NCOA2: variants seen among roughly 807,000 people sequenced by gnomAD.
NCOA2 encodes class E basic helix-loop-helix protein 75.
A neutral mutation model predicts 145.1 loss-of-function variants in NCOA2; 21 were observed. The observed-to-expected ratio is 0.14, with a 90% confidence interval of 0.10 to 0.21. The LOEUF is 0.21. Among genes scored for constraint, NCOA2 ranks in the 10% least tolerant of loss-of-function variants. The probability of loss-of-function intolerance (pLI) is 1.00; values close to 1 mark genes in which losing one functional copy is unlikely to be tolerated. For missense variants in NCOA2, 1,472 were observed against 1,837.6 expected (o/e 0.80, Z 3.64); for synonymous variants, 619 against 637.5 (o/e 0.97, Z 0.44).
At position 70,334,236 on chromosome 8, in the gene NCOA2, G is replaced by A. The variant is rs564783883; in HGVS notation, c.-76-37436C>T. 5.3e-5 allele frequency among the ~76,000 whole-genome samples: 8 copies of A among 152,222 alleles called. No individual in the cohort carries two copies. In the South Asian group the frequency reaches 1.2e-3, roughly 24 times the overall value. ...TGGACACCAAAGAATCAAATCAGCC[G>A]TATCACTGAACAATCACAAAATGGC... On this transcript the variant is annotated intron_variant, in intron 1 of 22. Transcript: ENST00000452400.
intron 14 of NCOA2, 84 bp downstream of exon 14, chr8:70,141,100 A>G: frequency 6.8e-6 from 9 of 1,329,756 alleles, no homozygotes; most frequent in Non-Finnish European, 9.5e-6. Flanking sequence ...TGCCCATAAG[A>G]AGCATGTCTT....
intron 1 of NCOA2, among the ~76,000 whole-genome samples, chr8:70,312,452 T>C (rs769323812): frequency 1.3e-5 from 2 of 152,226 alleles, no homozygotes; most frequent in Non-Finnish European, 2.9e-5. Context: ...TGTAGATTAA[T>C]AATGCACATA....
At chr8:70,394,061 A>G (rs933564483) in intron 1 of NCOA2, among the ~76,000 whole-genome samples, 1 of 152,246 alleles carries the variant, frequency 6.6e-6, no homozygotes, top group Non-Finnish European at 1.5e-5. Flanking sequence ...AGTATAAGGA[A>G]AAGATAGTCA....
intron 2 of NCOA2, among the ~76,000 whole-genome samples, chr8:70,235,453 T>C (rs1821509164): frequency 6.6e-6 from 1 of 152,120 alleles, no homozygotes; most frequent in Non-Finnish European, 1.5e-5. Context: ...TTTACCATAA[T>C]AAAAAATTTA....
chr8:70,299,853 T>C (rs1308843471), intron 1 of NCOA2, among the ~76,000 whole-genome samples: 1 of 152,216 alleles, frequency 6.6e-6, no homozygotes. Flanking sequence ...CAGCAGTTAT[T>C]GTCCACAATA....
At position 70,397,193 on chromosome 8, in the gene NCOA2, T is replaced by C. The variant is rs542071598; in HGVS notation, c.-77+6507A>G. On this transcript the variant is annotated intron_variant, in intron 1 of 22. Coordinates refer to ENST00000452400, the MANE Select transcript of NCOA2 (RefSeq NM_006540.4). ...GCAAGAATGGGCCAGGTGCAATAGC[T>C]CATGCCTGTAATCTTAGCACTCTGT... 2.6e-5 allele frequency among the ~76,000 whole-genome samples: 4 copies of C among 152,152 alleles called. No homozygotes were observed. The South Asian group carries it at 8.3e-4, about 31-fold the overall frequency.
intron 1 of NCOA2, among the ~76,000 whole-genome samples, chr8:70,322,191 T>C (rs1806139259): frequency 6.6e-6 from 1 of 152,114 alleles, no homozygotes; most frequent in South Asian, 2.1e-4. Context: ...AAGAAAATCA[T>C]CATGTTTGCC....
At chr8:70,389,167 CTATT>C (rs771343516) in intron 1 of NCOA2, among the ~76,000 whole-genome samples, 2 of 152,132 alleles carry the variant, frequency 1.3e-5, no homozygotes, top group Non-Finnish European at 2.9e-5. Flanking sequence ...ACACTTCAGA[CTATT>C]TAAGTATTTT....
chr8:70,372,600 C>T (rs960438697), intron 1 of NCOA2, among the ~76,000 whole-genome samples: 3 of 152,178 alleles, frequency 2.0e-5, no homozygotes, highest in African/African-American at 7.2e-5. Flanking sequence ...AGGCACCCTT[C>T]CATCATTTAA....
At chr8:70,141,136 C>G (rs367975955) in intron 14 of NCOA2, 48 bp downstream of exon 14, 1 of 1,530,960 alleles carries the variant, frequency 6.5e-7, no homozygotes, top group African/African-American at 1.4e-5. Flanking sequence ...GCTCTCTTTT[C>G]TAAGAGAGCA....
intron 15 of NCOA2, among the ~76,000 whole-genome samples, chr8:70,133,915 G>C (rs903186993): frequency 1.3e-5 from 2 of 152,144 alleles, no homozygotes; most frequent in Non-Finnish European, 2.9e-5. Context: ...TAGTAACTTG[G>C]AAATTGTCCA....
chr8:70,403,514 G>A (rs1336554898), intron 1 of NCOA2, among the ~76,000 whole-genome samples, 186 bp downstream of exon 1: 3 of 150,516 alleles, frequency 2.0e-5, no homozygotes, highest in East Asian at 4.0e-4. Context: ...CCTCCGGGAT[G>A]CAACTCCCGT....
intron 15 of NCOA2, among the ~76,000 whole-genome samples, chr8:70,135,816 AG>A (rs1809660494): frequency 6.6e-6 from 1 of 152,192 alleles, no homozygotes; most frequent in South Asian, 2.1e-4. Context: ...AAGCAGAGAG[AG>A]ATCCATAATC....
intron 1 of NCOA2, among the ~76,000 whole-genome samples, chr8:70,392,650 A>T (rs1169810172): frequency 6.6e-6 from 1 of 152,126 alleles, no homozygotes; most frequent in African/African-American, 2.4e-5. Context: ...CAACCCTGGT[A>T]TACTTTCTTT....
chr8:70,271,954 C>A (rs888397532), intron 2 of NCOA2, among the ~76,000 whole-genome samples: 1 of 151,566 alleles, frequency 6.6e-6, no homozygotes, highest in Non-Finnish European at 1.5e-5. Flanking sequence ...TACAGATATC[C>A]CAGTAAATTG....
intron 2 of NCOA2, among the ~76,000 whole-genome samples, chr8:70,229,450 A>G (rs1004716582): frequency 1.1e-4 from 16 of 152,224 alleles, no homozygotes; most frequent in African/African-American, 3.6e-4. Context: ...AAGAATGGGT[A>G]TAATTTTCCA....
intron 4 of NCOA2, among the ~76,000 whole-genome samples, chr8:70,186,695 G>T (rs1459897147): frequency 1.3e-5 from 2 of 152,192 alleles, no homozygotes; most frequent in Non-Finnish European, 2.9e-5. Context: ...TGTATTTACA[G>T]ACAAATTTAC....
the NCOA2 span, among the ~76,000 whole-genome samples, chr8:70,416,894 G>C: frequency 6.6e-6 from 1 of 152,098 alleles, no homozygotes; most frequent in Non-Finnish European, 1.5e-5. Flanking sequence ...CATGCTTTTT[G>C]GGGGACACAT....
the NCOA2 span, among the ~76,000 whole-genome samples, chr8:70,440,658 A>G: frequency 3.0e-4 from 45 of 151,076 alleles, no homozygotes; most frequent in Non-Finnish European, 6.2e-4. Context: ...GAGAGAAAAG[A>G]AAGAGGGAGA....
Sources: allele counts gnomAD v4.1 joint callset (sites outside exome capture counted in the v4.1 genomes callset), GRCh38; gene constraint gnomAD v4.1.1; transcripts MANE v1.5; gene names NCBI Gene and HGNC (gene_info 2026-07-23, HGNC 2026-07-21).